PAK6: variants seen among roughly 807,000 people sequenced by gnomAD.
PAK6 encodes serine/threonine-protein kinase PAK 6.
In PAK6, 33 loss-of-function variants were observed where a neutral mutation model predicts 60.8. The ratio of observed to expected loss-of-function variants is 0.54; its 90% confidence interval spans 0.41 to 0.73. PAK6 has a LOEUF of 0.73. Among genes scored for constraint, PAK6 ranks in the 30% least tolerant of loss-of-function variants. PAK6 has a pLI of 0.00. For synonymous variants in PAK6, 404 were observed against 378.5 expected (o/e 1.07, Z -0.78); for missense variants, 845 against 904.1 (o/e 0.93, Z 0.84).
exon 6 of PAK6, chr15:40,272,455 C>T (rs2039332987): frequency 1.2e-6 from 2 of 1,613,710 alleles, no homozygotes; most frequent in Non-Finnish European, 1.7e-6. Context: ...CACCAGCAAC[C>T]TGTACCTGCC....
chr15:40,263,720 T>G lies in PAK6; in HGVS notation c.-5-1061T>G. ...GCCTCAGCCTCCTGGGTTCAAGCGATTCTCCTCCCTCAACCCCATGGGTAT... is the reference window on the plus strand; with the variant it reads ...GCCTCAGCCTCCTGGGTTCAAGCGAGTCTCCTCCCTCAACCCCATGGGTAT... On this transcript the variant is annotated intron_variant, in intron 3 of 10. Transcript: ENST00000560346. 4 of 335,982 alleles carry G rather than the reference T, an allele frequency of 1.2e-5. 1 individual carries two copies. The highest frequency in any genetic ancestry group is 9.0e-5 in the South Asian group (4 of 44,224). 20.8% of individuals were successfully genotyped at this position (335,982 alleles called of 1,614,324 possible). A position where few individuals can be genotyped will look rare whatever the true frequency, so the allele number is the denominator to read the frequency against.
chr15:40,255,036 T>C (rs1424264274), intron 3 of PAK6, among the ~76,000 whole-genome samples: 1 of 152,112 alleles, frequency 6.6e-6, no homozygotes, highest in Non-Finnish European at 1.5e-5. Context: ...TTAAGAGCTG[T>C]AGAAAAAAAG....
chr15:40,247,005 T>C (rs2306482), intron 2 of PAK6: 78,287 of 152,290 alleles, frequency 0.51, 20,202 homozygotes, highest in African/African-American at 0.54. Flanking sequence ...CTTCCTCACA[T>C]CCCCTTTTCT....
intron 1 of PAK6, 88 bp downstream of exon 1, chr15:40,239,890 A>AG (rs1374862856): frequency 6.6e-6 from 1 of 152,386 alleles, no homozygotes; most frequent in Non-Finnish European, 1.5e-5. Context: ...CCTGCTGGGG[A>AG]CAGCAGCTGG....
rs143628964 is a variant in PAK6, at chr15:40,272,146, C to T, written c.859-78C>T. On this transcript the variant is annotated intron_variant, in intron 5 of 10. Transcript: ENST00000560346. ...CCCTGCCAGAGTCCAGAGGTCACGG[C>T]GGCCAGCCCCTGCCTCCGGGAAGGT... 199 of 1,501,142 alleles carry T rather than the reference C, an allele frequency of 1.3e-4. 1 individual carries two copies. The African/African-American group carries it at 2.4e-3, about 18-fold the overall frequency. 93.0% of individuals were successfully genotyped at this position (1,501,142 alleles called of 1,614,324 possible).
At chr15:40,256,984 G>C (rs1032527680) in intron 3 of PAK6, 1 of 152,226 alleles carries the variant, frequency 6.6e-6, no homozygotes, top group African/African-American at 2.4e-5. Flanking sequence ...CGAGGCCTAC[G>C]TAAGGCGAGT....
At chr15:40,270,090 A>AGTCCACACTCAG (rs976536456) in intron 5 of PAK6, among the ~76,000 whole-genome samples, 4 of 152,166 alleles carry the variant, frequency 2.6e-5, no homozygotes, top group Non-Finnish European at 5.9e-5. Context: ...TTCTGAGTTA[A>AGTCCACACTCAG]GTCCACACTC....
At chr15:40,242,348 G>A (rs1256310825) in intron 2 of PAK6, among the ~76,000 whole-genome samples, 1 of 152,236 alleles carries the variant, frequency 6.6e-6, no homozygotes, top group Non-Finnish European at 1.5e-5. Context: ...AGGCAGGAAG[G>A]ACTCATGGGA....
chr15:40,265,868 T>C (rs1416488652), exon 5 of PAK6: 1 of 1,552,400 alleles, frequency 6.4e-7, no homozygotes, highest in East Asian at 2.3e-5. Flanking sequence ...GCGCGATGCC[T>C]GTGGATGGCT....
At position 40,252,742 on chromosome 15, in the gene PAK6, A is replaced by G. The variant is rs369720850; in HGVS notation, c.-117-436A>G. The G allele has an allele frequency of 6.3e-3, 8,257 of 1,302,330 alleles. 27 individuals carry two copies. Among genetic ancestry groups the G allele is most frequent in the Non-Finnish European group, 7.8e-3 (7,678 of 989,742 alleles). The allele number at this position is 1,302,330 out of a possible 1,614,324, so 80.7% of individuals were successfully genotyped here. A position where few individuals can be genotyped will look rare whatever the true frequency, so the allele number is the denominator to read the frequency against. ...TTCGCGGCGAGAGGACGGGCCTCCC[A>G]ACACGCGCAGCCCCCTTCCTGGGTG... On this transcript the variant is annotated intron_variant, in intron 2 of 10. Coordinates refer to ENST00000560346, the Ensembl canonical transcript of PAK6.
exon 6 of PAK6, chr15:40,272,418 C>T (rs781194868): frequency 1.7e-5 from 28 of 1,613,474 alleles, no homozygotes; most frequent in South Asian, 1.3e-4. Flanking sequence ...CAGCGGGATC[C>T]CCCCGCACCT....
chr15:40,269,954 T>A (rs564320899), intron 5 of PAK6, among the ~76,000 whole-genome samples: 1 of 152,344 alleles, frequency 6.6e-6, no homozygotes, highest in African/African-American at 2.4e-5. Context: ...AGGGGAATGA[T>A]CTCATTTTAC....
exon 4 of PAK6, chr15:40,264,937 A>G: frequency 6.2e-7 from 1 of 1,613,744 alleles, no homozygotes; most frequent in Non-Finnish European, 8.5e-7. Flanking sequence ...CGGCGCCCCA[A>G]GCCCGTGGTG....
chr15:40,244,558 C>A (rs1051615206), intron 2 of PAK6, among the ~76,000 whole-genome samples: 1 of 151,574 alleles, frequency 6.6e-6, no homozygotes, highest in African/African-American at 2.4e-5. Flanking sequence ...CCACCATGCC[C>A]GGCTGATTTT....
chr15:40,248,780 AT>A (rs1182273071), intron 2 of PAK6, among the ~76,000 whole-genome samples: 2 of 152,126 alleles, frequency 1.3e-5, no homozygotes, highest in African/African-American at 4.8e-5. Flanking sequence ...CTGGGCAGTG[AT>A]TTTTTTAAAA....
At chr15:40,275,645 A>G (rs552958282) in intron 10 of PAK6, among the ~76,000 whole-genome samples, 255 of 152,118 alleles carry the variant, frequency 1.7e-3, no homozygotes, top group Non-Finnish European at 3.1e-3. Context: ...CTTTATCACT[A>G]GCCCATTTTA....
intron 1 of PAK6, 195 bp from the exon 2 acceptor site, chr15:40,240,404 G>T (rs2038289747): frequency 5.9e-6 from 2 of 341,684 alleles, no homozygotes; most frequent in Admixed American, 7.9e-5. Context: ...GGAGGAGGGG[G>T]GAGGTCCCTT....
chr15:40,275,312 GTCTC>G (rs201806589), intron 10 of PAK6, among the ~76,000 whole-genome samples: 2,268 of 34,680 alleles, frequency 0.065, 97 homozygotes, highest in African/African-American at 0.13. Context: ...TGGAGATGGA[GTCTC>G]TCTCTGTTGC....
intron 10 of PAK6, 105 bp from the exon 11 acceptor site, chr15:40,275,819 TAAA>T: frequency 9.1e-7 from 1 of 1,104,906 alleles, no homozygotes; most frequent in Non-Finnish European, 1.3e-6. Context: ...AACAGGAAGT[TAAA>T]AAACCAGCGA....
Sources: allele counts gnomAD v4.1 joint callset (sites outside exome capture counted in the v4.1 genomes callset), GRCh38; gene constraint gnomAD v4.1.1; transcripts MANE v1.5; gene names NCBI Gene and HGNC (gene_info 2026-07-23, HGNC 2026-07-21).